Variants in MAN1A1 observed in about 807,000 individuals in gnomAD.
MAN1A1 encodes the protein mannosidase alpha class 1A member 1.
A neutral mutation model predicts 70.8 loss-of-function variants in MAN1A1; 29 were observed. That is an observed-to-expected ratio of 0.41 (90% CI 0.31 to 0.56). MAN1A1 has a LOEUF of 0.56. Ranked by LOEUF, MAN1A1 falls within the 20% of genes least tolerant of loss-of-function variation. The pLI is 0.29. For synonymous variants in MAN1A1, 349 were observed against 330.1 expected, an observed-to-expected ratio of 1.06 and a Z score of -0.62; for missense variants, 747 against 841.3, an observed-to-expected ratio of 0.89 and a Z score of 1.39.
rs1772551418 is a variant in MAN1A1 at position 119,306,976 on chromosome 6, C to T, written c.620G>A (p.Trp207Ter). Reference protein sequence around the residue: ...AKIKEMMKHAWNNYKGYAWGL... With the variant: ...AKIKEMMKHA ...CCAGGCATAACCTTTATAATTATTC[C>T]AAGCATGTTTCATCATCTGAAAAAA... The change falls in exon 3 of 13, where the codon TGG (tryptophan) becomes TAG (stop). Residue 207 changes from tryptophan (W) to a stop codon, truncating the protein, a stop_gained. Transcript: ENST00000368468. LOFTEE classifies it high-confidence loss of function. The T allele has an allele frequency of 1.9e-6, 3 of 1,577,716 alleles. No individual in the cohort carries two copies. The highest frequency in any genetic ancestry group is 2.6e-6 in the Non-Finnish European group (3 of 1,149,578).
At chr6:119,293,211 A>AG (rs1772098992) in intron 4 of MAN1A1, among the ~76,000 whole-genome samples, 1 of 152,126 alleles carries the variant, frequency 6.6e-6, no homozygotes, top group East Asian at 1.9e-4. Flanking sequence ...TTCCAAGGTG[A>AG]AGGTCTGAGT....
chr6:119,336,195 G>A (rs543404115), intron 2 of MAN1A1, among the ~76,000 whole-genome samples: 3 of 152,088 alleles, frequency 2.0e-5, no homozygotes, highest in African/African-American at 4.8e-5. Context: ...TCAGCCTCCC[G>A]AGTAGCTGGG....
chr6:119,281,319 A>G (rs1050534884), intron 5 of MAN1A1, among the ~76,000 whole-genome samples: 1 of 152,190 alleles, frequency 6.6e-6, no homozygotes, highest in Non-Finnish European at 1.5e-5. Flanking sequence ...CTGGGCAGTT[A>G]AGAGGGCTAC....
chr6:119,291,797 A>T (rs1265849591), intron 4 of MAN1A1, among the ~76,000 whole-genome samples: 1 of 152,048 alleles, frequency 6.6e-6, no homozygotes, highest in East Asian at 1.9e-4. Flanking sequence ...GATAATAATC[A>T]TGTATGTTAT....
intron 5 of MAN1A1, among the ~76,000 whole-genome samples, chr6:119,275,277 A>ATTTTTTTTTTTTT (rs869090504): frequency 1.9e-5 from 1 of 52,890 alleles, no homozygotes; most frequent in Non-Finnish European, 3.6e-5. Context: ...TACCCAGCTA[A>ATTTTTTTTTTTTT]TTTTTTTTTT....
At chr6:119,283,121 T>C (rs1266743590) in intron 5 of MAN1A1, among the ~76,000 whole-genome samples, 1 of 151,898 alleles carries the variant, frequency 6.6e-6, no homozygotes, top group East Asian at 1.9e-4. Context: ...GGGGTGGGGG[T>C]TGAAGGTGGA....
intron 3 of MAN1A1, among the ~76,000 whole-genome samples, chr6:119,306,338 C>T (rs571043493): frequency 6.6e-6 from 1 of 152,250 alleles, no homozygotes; most frequent in South Asian, 2.1e-4. Flanking sequence ...ACCCACACTA[C>T]CAGTCACAGA....
At chr6:119,319,971 G>A (rs1265690429) in intron 2 of MAN1A1, among the ~76,000 whole-genome samples, 1 of 151,940 alleles carries the variant, frequency 6.6e-6, no homozygotes, top group Non-Finnish European at 1.5e-5. Flanking sequence ...GAACTGCAGT[G>A]GTATCTTCTT....
chr6:119,342,286 C>T (rs1773616577), intron 2 of MAN1A1, among the ~76,000 whole-genome samples: 1 of 151,728 alleles, frequency 6.6e-6, no homozygotes, highest in African/African-American at 2.4e-5. Flanking sequence ...TTTTTGATAC[C>T]CTTTTGAAAC....
chr6:119,235,822 A>C (rs1368349682), intron 6 of MAN1A1, among the ~76,000 whole-genome samples: 1 of 152,182 alleles, frequency 6.6e-6, no homozygotes, highest in Non-Finnish European at 1.5e-5. Context: ...ATGATTCCAG[A>C]AATCCTAGGG....
At chr6:119,339,652 C>A (rs778299168) in intron 2 of MAN1A1, among the ~76,000 whole-genome samples, 1 of 151,842 alleles carries the variant, frequency 6.6e-6, no homozygotes, top group Non-Finnish European at 1.5e-5. Flanking sequence ...CCCAAGCAGA[C>A]ATGAGTTTAT....
At chr6:119,225,642 A>G (rs1297270154) in intron 6 of MAN1A1, among the ~76,000 whole-genome samples, 6 of 152,236 alleles carry the variant, frequency 3.9e-5, no homozygotes, top group Non-Finnish European at 7.3e-5. Context: ...AAGTACCCAG[A>G]AAATAAATAA....
intron 9 of MAN1A1, 100 bp from the exon 10 acceptor site, chr6:119,189,983 C>T: frequency 3.3e-6 from 3 of 906,458 alleles, no homozygotes; most frequent in South Asian, 3.4e-5. Flanking sequence ...ATACACCTGA[C>T]AATCAGAGTT....
At chr6:119,221,476 T>TC (rs1297308105) in intron 6 of MAN1A1, among the ~76,000 whole-genome samples, 20 of 150,248 alleles carry the variant, frequency 1.3e-4, no homozygotes, top group East Asian at 1.9e-4. Context: ...TCTTTTCTTT[T>TC]TTTTTTTTTT....
At chr6:119,295,053 T>C (rs73769038) in intron 4 of MAN1A1, among the ~76,000 whole-genome samples, 41 of 152,198 alleles carry the variant, frequency 2.7e-4, no homozygotes, top group African/African-American at 9.9e-4. Flanking sequence ...ATATAAATTA[T>C]TTTGTATGCT....
At chr6:119,253,813 A>C (rs1284647393) in intron 5 of MAN1A1, among the ~76,000 whole-genome samples, 2 of 152,220 alleles carry the variant, frequency 1.3e-5, no homozygotes, top group Admixed American at 6.5e-5. Flanking sequence ...ATTGTTTGCA[A>C]AGTGCTCCAT....
intron 2 of MAN1A1, among the ~76,000 whole-genome samples, chr6:119,307,215 G>A (rs752465967): frequency 2.0e-5 from 3 of 152,068 alleles, no homozygotes; most frequent in African/African-American, 4.8e-5. Flanking sequence ...GGAAGTTTTC[G>A]TTTTTGAGTC....
At chr6:119,310,524 C>A (rs1035214277) in intron 2 of MAN1A1, among the ~76,000 whole-genome samples, 1 of 152,190 alleles carries the variant, frequency 6.6e-6, no homozygotes, top group African/African-American at 2.4e-5. Context: ...TTGCTGAGAG[C>A]TAGCCATGAG....
At chr6:119,234,373 T>TTATA (rs1554206835) in intron 6 of MAN1A1, among the ~76,000 whole-genome samples, 1 of 152,132 alleles carries the variant, frequency 6.6e-6, no homozygotes, top group Non-Finnish European at 1.5e-5. Context: ...AGAATTGTGT[T>TTATA]TGTATATGTG....
Sources: allele counts gnomAD v4.1 joint callset (sites outside exome capture counted in the v4.1 genomes callset), GRCh38; gene constraint gnomAD v4.1.1; transcripts MANE v1.5; gene names NCBI Gene and HGNC (gene_info 2026-07-23, HGNC 2026-07-21).